The following ZEB1 variants were observed in gnomAD, a reference collection of about 807,000 sequenced individuals.
ZEB1 encodes the protein zinc finger E-box-binding homeobox 1.
Under a neutral mutation model 84.9 loss-of-function variants are expected in ZEB1, and 21 were observed. The ratio of observed to expected loss-of-function variants is 0.25; its 90% CI spans 0.18 to 0.36. ZEB1 has a LOEUF of 0.36. Among genes scored for constraint, ZEB1 ranks in the 10% least tolerant of loss-of-function variants. The probability of loss-of-function intolerance (pLI) is 1.00; values close to 1 mark genes in which losing one functional copy is unlikely to be tolerated. For synonymous variants in ZEB1, 420 were observed against 471.1 expected (o/e 0.89, Z 1.41); for missense variants, 1,104 against 1,330.2 (o/e 0.83, Z 2.65).
At chr10:31,459,300 T>A (rs767178252) in intron 1 of ZEB1, among the ~76,000 whole-genome samples, 1 of 152,106 alleles carries the variant, frequency 6.6e-6, no homozygotes, top group Non-Finnish European at 1.5e-5. Context: ...TATTTTGAAT[T>A]ATATATACAC....
At chr10:31,335,756 A>G (rs754724560) in intron 1 of ZEB1, among the ~76,000 whole-genome samples, 22 of 152,300 alleles carry the variant, frequency 1.4e-4, no homozygotes, top group Middle Eastern at 6.8e-3. Flanking sequence ...TCAACATTGT[A>G]CTAGAAGTAT....
intron 2 of ZEB1, among the ~76,000 whole-genome samples, chr10:31,467,065 A>G (rs576435286): frequency 1.3e-5 from 2 of 152,282 alleles, no homozygotes; most frequent in African/African-American, 4.8e-5. Flanking sequence ...ATGATTGAAG[A>G]AGTAGGAAGC....
At chr10:31,514,025 C>G (rs1304387596) in intron 5 of ZEB1, among the ~76,000 whole-genome samples, 12 of 152,022 alleles carry the variant, frequency 7.9e-5, no homozygotes, top group Admixed American at 7.2e-4. Context: ...ATAAACCAGA[C>G]AGAAAGCTAT....
intron 3 of ZEB1, among the ~76,000 whole-genome samples, chr10:31,497,975 T>TA (rs1565123912): frequency 2.2e-4 from 24 of 107,894 alleles, no homozygotes; most frequent in African/African-American, 8.2e-4. Flanking sequence ...ATAGATAGAT[T>TA]TAAAAATATT....
At chr10:31,350,436 C>T (rs1458400126) in intron 1 of ZEB1, among the ~76,000 whole-genome samples, 1 of 152,148 alleles carries the variant, frequency 6.6e-6, no homozygotes, top group Non-Finnish European at 1.5e-5. Flanking sequence ...ATTTAGGCAA[C>T]TAAACATCAT....
rs115241797 is a variant in ZEB1, at chr10:31,516,820, G to A, written c.793+2112G>A. On this transcript the variant is annotated intron_variant, in intron 6 of 8. Transcript: ENST00000424869. ...AAAAGCATTGCTCCAGGGTGGCCAC[G>A]TAGATACAGTTTAAGTACACAGCTC... is the stretch of plus-strand genomic sequence containing the variant. 6.8e-3 allele frequency among the ~76,000 whole-genome samples: 1,033 copies of A among 152,030 alleles called. 12 individuals carry two copies. The highest frequency in any genetic ancestry group is 0.023 in the African/African-American group (934 of 41,506).
chr10:31,501,125 A>C (rs1403668095), intron 3 of ZEB1, among the ~76,000 whole-genome samples: 1 of 152,176 alleles, frequency 6.6e-6, no homozygotes, highest in East Asian at 1.9e-4. Context: ...AATTTGGCCA[A>C]ACTTCAGCCT....
intron 1 of ZEB1, among the ~76,000 whole-genome samples, chr10:31,442,056 G>C (rs1339351524): frequency 2.0e-5 from 3 of 152,114 alleles, no homozygotes; most frequent in Non-Finnish European, 2.9e-5. Context: ...TCCCATTACT[G>C]GGTATATACC....
chr10:31,395,980 G>A (rs2050645586), intron 1 of ZEB1, among the ~76,000 whole-genome samples: 1 of 152,140 alleles, frequency 6.6e-6, no homozygotes, highest in African/African-American at 2.4e-5. Flanking sequence ...TCATGATCAT[G>A]CACTTCAGTT....
intron 1 of ZEB1, among the ~76,000 whole-genome samples, chr10:31,454,797 G>A (rs928123003): frequency 3.9e-5 from 6 of 152,148 alleles, no homozygotes; most frequent in African/African-American, 1.4e-4. Flanking sequence ...CATGCTCATG[G>A]ATAAGAAGAA....
intron 1 of ZEB1, among the ~76,000 whole-genome samples, chr10:31,382,148 G>T (rs916555068): frequency 2.0e-5 from 3 of 151,056 alleles, no homozygotes; most frequent in Non-Finnish European, 4.4e-5. Flanking sequence ...TAGTTTCTCT[G>T]CCTCTGCTTG....
At chr10:31,363,070 A>G in intron 1 of ZEB1, 1 of 1,533,922 alleles carries the variant, frequency 6.5e-7, no homozygotes, top group Non-Finnish European at 8.7e-7. Flanking sequence ...TGGCCCCGAC[A>G]GTTTTCTTTT....
chr10:31,479,990 T>C (rs1418537425), intron 2 of ZEB1, among the ~76,000 whole-genome samples: 1 of 151,992 alleles, frequency 6.6e-6, no homozygotes, highest in Non-Finnish European at 1.5e-5. Context: ...CTCATGCTTG[T>C]GTCAGTTAAA....
chr10:31,346,058 C>G (rs1026460598), intron 1 of ZEB1, among the ~76,000 whole-genome samples: 1 of 152,058 alleles, frequency 6.6e-6, no homozygotes, highest in South Asian at 2.1e-4. Context: ...GAAGCAGAAG[C>G]TACGATTTTC....
chr10:31,524,101 T>C lies in ZEB1; in HGVS notation c.2773T>C (p.Tyr925His), dbSNP rs1009525977. 1 of 1,613,550 alleles carries C rather than the reference T, an allele frequency of 6.2e-7. No individual in the cohort carries two copies. Among genetic ancestry groups the C allele is most frequent in the Non-Finnish European group, 8.5e-7 (1 of 1,179,790 alleles). The change falls in exon 8 of 9, where the codon TAT (tyrosine) becomes CAT (histidine). Residue 925 changes from tyrosine to histidine, a missense_variant. By Grantham distance (83) the Tyr-to-His change is moderately conservative. Around this residue, in one of 7 missense-constraint regions of ZEB1, gnomAD observed 53 missense variants for 92.5 expected, o/e 0.57. Transcript: ENST00000424869. ...GAGTAGTTCATTATTGAGACATAAA[T>C]ATGAACACACAGGTATGTCAGTGAA... ...QKSSSLLRHK[Y>H]EHTGKRPHEC...
chr10:31,319,952 G>GCGCGGGCGCCGGCTGTGCGCGC (rs2033374357), intron 1 of ZEB1: 2 of 148,228 alleles, frequency 1.3e-5, no homozygotes, highest in Admixed American at 1.3e-4. Flanking sequence ...GCGCGCGTGT[G>GCGCGGGCGCCGGCTGTGCGCGC]CGCGGGCGCC....
At chr10:31,486,864 C>T (rs2065829084) in intron 2 of ZEB1, among the ~76,000 whole-genome samples, 1 of 151,374 alleles carries the variant, frequency 6.6e-6, no homozygotes, top group African/African-American at 2.4e-5. Flanking sequence ...TGCTTAACTC[C>T]AGATCATCAG....
At chr10:31,474,862 C>T (rs1285202053) in intron 2 of ZEB1, among the ~76,000 whole-genome samples, 1 of 152,052 alleles carries the variant, frequency 6.6e-6, no homozygotes, top group African/African-American at 2.4e-5. Context: ...ACATATACAC[C>T]ATGGAATACT....
intron 2 of ZEB1, among the ~76,000 whole-genome samples, chr10:31,477,089 G>T (rs1016323374): frequency 6.6e-6 from 1 of 151,890 alleles, no homozygotes; most frequent in African/African-American, 2.4e-5. Flanking sequence ...AGAAACAAAA[G>T]GCATCCAGAT....
Sources: allele counts gnomAD v4.1 joint callset (sites outside exome capture counted in the v4.1 genomes callset), GRCh38; gene constraint gnomAD v4.1.1; regional missense constraint gnomAD v4.1.1; transcripts MANE v1.5; gene names NCBI Gene and HGNC (gene_info 2026-07-23, HGNC 2026-07-21).